Variants in KRT6B observed in about 807,000 individuals in gnomAD.
KRT6B encodes keratin 6B.
In KRT6B, 29 loss-of-function variants were observed where a neutral mutation model predicts 44.7. The ratio of observed to expected loss-of-function variants is 0.65; its 90% CI spans 0.48 to 0.88. The LOEUF (loss-of-function observed/expected upper bound fraction) is 0.88. Ranked by LOEUF, KRT6B falls within the 40% of genes least tolerant of loss-of-function variation. KRT6B has a pLI of 0.00. For synonymous variants in KRT6B, 213 were observed against 296.0 expected (o/e 0.72, Z 2.88); for missense variants, 600 against 724.0 (o/e 0.83, Z 1.97).
intron 6 of KRT6B, 76 bp from the exon 7 acceptor site, chr12:52,448,074 A>G (rs1326546482): frequency 1.9e-5 from 30 of 1,591,444 alleles, no homozygotes; most frequent in Middle Eastern, 1.7e-4. Flanking sequence ...GTTCTTTTCC[A>G]GTGAAGAAGG....
In KRT6B at chr12:52,447,990, G is replaced by T; in HGVS notation, c.1212C>A (p.Asn404Lys). 6.2e-7 allele frequency: 1 copy of T among 1,614,104 alleles called. No individual in the cohort carries two copies. The highest frequency in any genetic ancestry group is 8.5e-7 in the Non-Finnish European group (1 of 1,179,984). The change falls in exon 7 of 9, where the codon AAC becomes AAA. Residue 404 changes from asparagine (N) to lysine (K), a missense_variant. This residue lies in a region of KRT6B where 479 missense variants were observed against 454.2 expected (regional missense o/e 1.05). Coordinates refer to ENST00000252252, the MANE Select transcript of KRT6B (RefSeq NM_005555.4). ...CAGCATCAGCAATGGCGGCCTGTAGGTTGGCACACTAGGAGGGCAAAGGAA... is the reference window on the plus strand; with the variant it reads ...CAGCATCAGCAATGGCGGCCTGTAGTTTGGCACACTAGGAGGGCAAAGGAA... Reference protein sequence around the residue: ...EIDHVKKQCANLQAAIADAEQ... With the variant: ...EIDHVKKQCAKLQAAIADAEQ...
rs1460931941 is a variant in KRT6B, at chr12:52,447,707, T to G, written c.1424+71A>C. ...AATTATGGCCTTGGGCAGTGCACCT[T>G]AAAGTTGTGCTCAGTGCCAGAACCT... On this transcript the variant is annotated intron_variant, in intron 7 of 8. Transcript: ENST00000252252. 8 of 1,613,966 alleles carry G rather than the reference T, an allele frequency of 5.0e-6. No individual in the cohort carries two copies. The East Asian group carries it at 6.7e-5, about 13-fold the overall frequency.
rs1189576228 is a variant in KRT6B, at chr12:52,449,864, A to G, written c.817-11T>C. 3.7e-6 allele frequency: 6 copies of G among 1,613,538 alleles called. No individual in the cohort carries two copies. Among genetic ancestry groups the G allele is most frequent in the Non-Finnish European group, 5.1e-6 (6 of 1,179,498 alleles). ...GGCAGCATCCACATCCTGGGGAAAG[A>G]GCCAACAACCTGGAGTTGCCTGAGC... On this transcript the variant is annotated splice_polypyrimidine_tract_variant and intron_variant, in intron 3 of 8. Transcript: ENST00000252252.
Position 52,449,519 on chromosome 12 carries a change from C to T in KRT6B, c.1027G>A (p.Glu343Lys), listed in dbSNP as rs761909527. ...IIAEVKAQYE[E>K]IAQRSRAEAE... ...TCAGCCCTGCTCCTCTGAGCAATCT[C>T]CTCATATTGGGCCTTGACCTCAGCG... Residue 343 changes from glutamate (E) to lysine (K), a missense_variant, in exon 5 of 9, where the codon GAG becomes AAG. Glu to Lys is a moderately conservative substitution (Grantham distance 56). Around this residue, in one of 4 missense-constraint regions of KRT6B, gnomAD observed 479 missense variants for 454.2 expected, o/e 1.05. Transcript: ENST00000252252. 1.2e-6 allele frequency: 2 copies of T among 1,614,070 alleles called. No homozygotes were observed. The highest frequency in any genetic ancestry group is 2.7e-5 in the African/African-American group (2 of 74,940).
At chr12:52,449,734 C>G (rs1371181181) in intron 4 of KRT6B, 24 bp downstream of exon 4, 2 of 1,613,996 alleles carry the variant, frequency 1.2e-6, no homozygotes, top group Admixed American at 3.3e-5. Context: ...TCAGAGTAAA[C>G]AGAAGGATGG....
rs138479175 is a variant in KRT6B, at chr12:52,447,806, G to A, written c.1396C>T (p.Arg466Cys). 1,024 of 1,614,194 alleles carry A rather than the reference G, an allele frequency of 6.3e-4. 6 individuals carry two copies. The highest frequency in any genetic ancestry group is 5.0e-3 in the African/African-American group (377 of 75,058). The change falls in exon 7 of 9, where the codon CGC becomes TGC. Residue 466 changes from arginine to cysteine, a missense_variant. By Grantham distance (180) the Arg-to-Cys change is radical (BLOSUM62 -3). This residue lies in a region of KRT6B where 479 missense variants were observed against 454.2 expected (regional missense o/e 1.05). Transcript: ENST00000252252. ...LALDVEIATY[R>C]KLLEGEECRL... Reference sequence around the variant, plus strand: ...CACTCCTCGCCCTCCAGCAGCTTGCGGTAGGTGGCGATCTCCACATCCAGG... The same window carrying A: ...CACTCCTCGCCCTCCAGCAGCTTGCAGTAGGTGGCGATCTCCACATCCAGG...
chr12:52,449,321 G>T (rs577727096), intron 5 of KRT6B, 148 bp downstream of exon 5: 11 of 1,315,510 alleles, frequency 8.4e-6, no homozygotes, highest in African/African-American at 4.3e-5. Flanking sequence ...CATAAGTTCC[G>T]CAAATGTCTA....
intron 7 of KRT6B, 64 bp from the exon 8 acceptor site, chr12:52,447,637 T>C (rs1217210594): frequency 7.4e-6 from 12 of 1,613,744 alleles, no homozygotes; most frequent in Non-Finnish European, 1.0e-5. Flanking sequence ...CCTCAGTGGG[T>C]GGGAAAGTCC....
chr12:52,450,814 C>T (rs934478418), intron 1 of KRT6B, among the ~76,000 whole-genome samples, 194 bp from the exon 2 acceptor site: 8 of 152,240 alleles, frequency 5.3e-5, no homozygotes, highest in African/African-American at 1.9e-4. Context: ...AGAAATTGTC[C>T]CACGGACCAC....
chr12:52,451,642 G>A lies in KRT6B; in HGVS notation c.437C>T (p.Thr146Ile), dbSNP rs1451112543. ...QEVTVNQSLL[T>I]PLNLQIDPAI... ...GGGGTCAATTTGCAGGTTGAGGGGA[G>A]TCAGGAGACTCTGGTTGACAGTGAC... The change falls in exon 1 of 9, where the codon ACT becomes ATT. Residue 146 changes from threonine (T) to isoleucine (I), a missense_variant. This residue lies in a region of KRT6B where 31 missense variants were observed against 79.0 expected (regional missense o/e 0.39). Coordinates refer to ENST00000252252, the MANE Select transcript of KRT6B (RefSeq NM_005555.4). 1 of 1,613,092 alleles carries A rather than the reference G, an allele frequency of 6.2e-7. No homozygotes were observed. Among genetic ancestry groups the A allele is most frequent in the Admixed American group, 1.7e-5 (1 of 60,018 alleles).
rs759087767 is a variant in KRT6B at position 52,452,006 on chromosome 12, G to A, written c.73C>T (p.Leu25Phe). ...AAGCCAGAGCGGCTGACCCCAGGGA[G>A]CCTGGCTGAGTTGGCACTGAAACCC... is the stretch of plus-strand genomic sequence containing the variant. Reference protein sequence around the residue: ...RRGFSANSARLPGVSRSGFSS... With the variant: ...RRGFSANSARFPGVSRSGFSS... Residue 25 changes from leucine to phenylalanine, a missense_variant, in exon 1 of 9, where the codon CTC becomes TTC. Leu to Phe is a conservative substitution (Grantham distance 22). This residue lies in a region of KRT6B where 78 missense variants were observed against 97.5 expected (regional missense o/e 0.80). Coordinates refer to ENST00000252252, the MANE Select transcript of KRT6B (RefSeq NM_005555.4). 4 of 1,613,900 alleles carry A rather than the reference G, an allele frequency of 2.5e-6. No homozygotes were observed. The Admixed American group carries it at 5.0e-5, about 20-fold the overall frequency.
At chr12:52,451,432 G>A (rs963851462) in intron 1 of KRT6B, 107 bp downstream of exon 1, 7 of 1,605,516 alleles carry the variant, frequency 4.4e-6, no homozygotes, top group Non-Finnish European at 6.0e-6. Flanking sequence ...GCAGAGCTGG[G>A]CTGAGTCCCC....
chr12:52,450,699 T>C (rs1249506017), intron 1 of KRT6B, 79 bp from the exon 2 acceptor site: 2 of 1,604,940 alleles, frequency 1.2e-6, no homozygotes, highest in African/African-American at 2.7e-5. Flanking sequence ...CCTGGAGGTC[T>C]GGGAGGTCCC....
intron 5 of KRT6B, 29 bp downstream of exon 5, chr12:52,449,440 T>C (rs1386720846): frequency 6.2e-7 from 1 of 1,614,050 alleles, no homozygotes; most frequent in Non-Finnish European, 8.5e-7. Flanking sequence ...ACACAAGGAT[T>C]CCTCAGCGGC....
rs1940323337 is a variant in KRT6B, at chr12:52,447,192, A to T, written c.1693T>A (p.Ter565ArgextTer84). Residue 565 changes from the stop codon to arginine, a stop_lost, in exon 9 of 9, where the codon TGA (stop) becomes AGA (arginine). Transcript: ENST00000252252. ...SSSSRKSYKH[*>R] ...GACTGAGAGCTGGCGGCAGCACTTC[A>T]GTGCTTGTAGCTCTTCCTGCTGGAG... The T allele has an allele frequency of 6.2e-7, 1 of 1,613,950 alleles. No individual in the cohort carries two copies. The highest frequency in any genetic ancestry group is 1.3e-5 in the African/African-American group (1 of 74,900).
chr12:52,449,849 A>G lies in KRT6B; in HGVS notation c.821T>C (p.Val274Ala). The G allele has an allele frequency of 6.2e-7, 1 of 1,613,980 alleles. No individual in the cohort carries two copies. Reference sequence around the variant, plus strand: ...AACCTTGTTCATGTAGGCAGCATCCACATCCTGGGGAAAGAGCCAACAACC... The same window carrying G: ...AACCTTGTTCATGTAGGCAGCATCCGCATCCTGGGGAAAGAGCCAACAACC... The part of the protein sequence containing the change: ...ENEFVTLKKD[V>A]DAAYMNKVEL... Residue 274 changes from valine (V) to alanine (A), a missense_variant, in exon 4 of 9, where the codon GTG becomes GCG. Val to Ala is a moderately conservative substitution (Grantham distance 64). Coordinates refer to ENST00000252252, the MANE Select transcript of KRT6B (RefSeq NM_005555.4).
chr12:52,447,138 G>T lies in KRT6B; in HGVS notation c.*52C>A. ...ACAAGCAACCTGAGGAGAGGGCTCTGCTGCCAGAGAGGGGCCTGAGAGCTG... is the reference window on the plus strand; with the variant it reads ...ACAAGCAACCTGAGGAGAGGGCTCTTCTGCCAGAGAGGGGCCTGAGAGCTG... On this transcript the variant is annotated 3_prime_UTR_variant, in exon 9 of 9. Coordinates refer to ENST00000252252, the MANE Select transcript of KRT6B (RefSeq NM_005555.4). The T allele has an allele frequency of 6.2e-7, 1 of 1,608,572 alleles. No homozygotes were observed. The highest frequency in any genetic ancestry group is 1.3e-5 in the African/African-American group (1 of 74,940).
Position 52,449,501 on chromosome 12 carries a change from T to G in KRT6B, c.1045A>C (p.Arg349=), listed in dbSNP as rs11503946. The G allele has an allele frequency of 1.2e-3, 2,011 of 1,614,134 alleles. No homozygotes were observed. The highest frequency in any genetic ancestry group is 4.5e-3 in the African/African-American group (338 of 75,020). ...AQYEEIAQRS[R]AEAESWYQTK... ...TGGTACCAGGACTCAGCCTCAGCCCTGCTCCTCTGAGCAATCTCCTCATAT... is the reference window on the plus strand; with the variant it reads ...TGGTACCAGGACTCAGCCTCAGCCCGGCTCCTCTGAGCAATCTCCTCATAT... Residue 349 remains arginine (R), a synonymous_variant, in exon 5 of 9, where the codon AGG becomes CGG. Transcript: ENST00000252252.
rs747532177 is a variant in KRT6B at position 52,448,835 on chromosome 12, A to G, written c.1203+7T>C. On this transcript the variant is annotated splice_region_variant and intron_variant, in intron 6 of 8. Transcript: ENST00000252252. Reference sequence around the variant, plus strand: ...ATGCTTTTCTCCTCCATTGCCCCTCACCATACCTGCTTCTTGACGTGGTCG... The same window carrying G: ...ATGCTTTTCTCCTCCATTGCCCCTCGCCATACCTGCTTCTTGACGTGGTCG... The G allele has an allele frequency of 1.9e-6, 3 of 1,613,950 alleles. No homozygotes were observed. In the South Asian group the frequency reaches 3.3e-5, roughly 18 times the overall value.
Sources: gnomAD v4.1 joint callset for allele counts (sites outside exome capture counted in the v4.1 genomes callset) on GRCh38, gnomAD v4.1.1 for gene constraint, gnomAD v4.1.1 regional missense constraint, MANE v1.5 for transcripts, NCBI Gene and HGNC (gene_info 2026-07-23, HGNC 2026-07-21) for gene names.